PMP22: variants seen among roughly 807,000 people sequenced by gnomAD.
PMP22 encodes Charcot-Marie-Tooth neuropathy 1A (greatly reduced nerve conduction velocity, hereditary motor sensory neuropathy Ia).
A neutral mutation model predicts 18.9 loss-of-function variants in PMP22; 2 were observed. The ratio of observed to expected loss-of-function variants is 0.11; its 90% CI spans 0.04 to 0.33. PMP22 has a LOEUF of 0.33. Among genes scored for constraint, PMP22 ranks in the 10% least tolerant of loss-of-function variants. The probability of loss-of-function intolerance (pLI) is 1.00; values close to 1 mark genes in which losing one functional copy is unlikely to be tolerated. For missense variants in PMP22, 169 were observed against 202.2 expected, an observed-to-expected ratio of 0.84 and a Z score of 1.00; for synonymous variants, 95 against 89.2, an observed-to-expected ratio of 1.07 and a Z score of -0.37.
At chr17:15,235,612 TGGGA>T (rs1434868255) in intron 4 of PMP22, among the ~76,000 whole-genome samples, 2 of 152,120 alleles carry the variant, frequency 1.3e-5, no homozygotes, top group Non-Finnish European at 2.9e-5. Flanking sequence ...AACCTTACAG[TGGGA>T]TTAGGGACAG....
chr17:15,253,650 T>C (rs1908563720), intron 3 of PMP22, among the ~76,000 whole-genome samples: 1 of 152,110 alleles, frequency 6.6e-6, no homozygotes, highest in Non-Finnish European at 1.5e-5. Flanking sequence ...GTGATTCTAC[T>C]TACCCCTCAC....
intron 3 of PMP22, 50 bp downstream of exon 3, chr17:15,259,044 G>A (rs764003157): frequency 1.3e-5 from 17 of 1,315,776 alleles, no homozygotes; most frequent in Admixed American, 3.4e-5. Context: ...GCTGAGAAAC[G>A]TGTTACAGGC....
At chr17:15,259,241 T>A (rs1334572342) in intron 2 of PMP22, 48 bp from the exon 3 acceptor site, 1 of 1,463,536 alleles carries the variant, frequency 6.8e-7, no homozygotes, top group Admixed American at 1.7e-5. Context: ...GAGGGAGGAG[T>A]GAAGGAAAAG....
At chr17:15,235,188 A>G (rs1906690563) in intron 4 of PMP22, 4 of 717,214 alleles carry the variant, frequency 5.6e-6, no homozygotes, top group Non-Finnish European at 1.0e-5. Context: ...ATGAACAACA[A>G]TAACAAAAAG....
intron 4 of PMP22, 50 bp downstream of exon 4, chr17:15,239,421 A>G: frequency 6.2e-7 from 1 of 1,603,630 alleles, no homozygotes; most frequent in Non-Finnish European, 8.5e-7. Context: ...ATCATTCCGC[A>G]GACTTGGATG....
At chr17:15,248,892 G>A (rs952794874) in intron 3 of PMP22, among the ~76,000 whole-genome samples, 3 of 152,112 alleles carry the variant, frequency 2.0e-5, no homozygotes, top group African/African-American at 7.2e-5. Flanking sequence ...CACTGAGTTT[G>A]GCCATAGAAA....
intron 4 of PMP22, among the ~76,000 whole-genome samples, chr17:15,237,049 G>T (rs1344828163): frequency 1.3e-5 from 2 of 152,214 alleles, no homozygotes; most frequent in African/African-American, 4.8e-5. Flanking sequence ...TAAGCAGCTA[G>T]ATGTAAAGGG....
chr17:15,242,136 C>T (rs1486972807), intron 3 of PMP22, among the ~76,000 whole-genome samples: 1 of 151,358 alleles, frequency 6.6e-6, no homozygotes, highest in Non-Finnish European at 1.5e-5. Context: ...CACCTATAGT[C>T]CCAGCTACTT....
At chr17:15,242,931 A>C (rs1474850474) in intron 3 of PMP22, among the ~76,000 whole-genome samples, 1 of 152,216 alleles carries the variant, frequency 6.6e-6, no homozygotes, top group Non-Finnish European at 1.5e-5. Context: ...ACAGTGTTCC[A>C]GATAATTCCT....
intron 3 of PMP22, among the ~76,000 whole-genome samples, chr17:15,243,609 G>T (rs1907535141): frequency 6.7e-6 from 1 of 149,896 alleles, no homozygotes; most frequent in Non-Finnish European, 1.5e-5. Flanking sequence ...ACAGTATATG[G>T]TATAAATTAA....
rs1466743466 is a variant in PMP22, at chr17:15,261,212, T to C, written c.-34-451A>G. 6.6e-6 allele frequency: 1 copy of C among 152,588 alleles called. No homozygotes were observed. Among genetic ancestry groups the C allele is most frequent in the Non-Finnish European group, 1.5e-5 (1 of 68,906 alleles). The allele number at this position is 152,588 out of a possible 1,614,324, so 9.5% of individuals were successfully genotyped here. On this transcript the variant is annotated intron_variant, in intron 1 of 4. Coordinates refer to ENST00000312280, the MANE Select transcript of PMP22 (RefSeq NM_000304.4). This position sits in a 1 kb window ranked among gnomAD's most constrained non-coding sequence, Gnocchi z 5.2. ...GGGGTGGAGGTAGGGGTGAGGGGAG[T>C]AGGTGCCCAGATTTCCGTCTGAGAC...
chr17:15,247,090 C>T (rs961738395), intron 3 of PMP22, among the ~76,000 whole-genome samples: 7 of 139,564 alleles, frequency 5.0e-5, no homozygotes, highest in African/African-American at 1.9e-4. Flanking sequence ...AAAAAAAAGG[C>T]CGGGCGCCGT....
At chr17:15,233,750 T>C (rs1906555720) in intron 4 of PMP22, among the ~76,000 whole-genome samples, 1 of 152,170 alleles carries the variant, frequency 6.6e-6, no homozygotes, top group Non-Finnish European at 1.5e-5. Context: ...CATTTGCATA[T>C]AATTTCAATA....
intron 3 of PMP22, among the ~76,000 whole-genome samples, chr17:15,257,923 T>A (rs1908979829): frequency 6.6e-6 from 1 of 152,178 alleles, no homozygotes; most frequent in Non-Finnish European, 1.5e-5. Flanking sequence ...GTTCAAGGAA[T>A]TTGGTTTATA....
intron 3 of PMP22, among the ~76,000 whole-genome samples, chr17:15,252,980 T>A (rs1908493521): frequency 6.6e-6 from 1 of 152,226 alleles, no homozygotes; most frequent in Non-Finnish European, 1.5e-5. Context: ...AGCAGGGGAA[T>A]GCTTGTGAGA....
intron 3 of PMP22, among the ~76,000 whole-genome samples, chr17:15,243,656 T>G (rs141316212): frequency 6.7e-6 from 1 of 149,128 alleles, no homozygotes; most frequent in Non-Finnish European, 1.5e-5. Flanking sequence ...TATATAATTA[T>G]AGAACATATC....
intron 3 of PMP22, among the ~76,000 whole-genome samples, chr17:15,256,039 C>G (rs996069204): frequency 6.6e-6 from 1 of 152,218 alleles, no homozygotes; most frequent in Non-Finnish European, 1.5e-5. Flanking sequence ...CACTAAGCCT[C>G]TCTTACCTCT....
In PMP22 at chr17:15,265,191, T is replaced by C. The variant is rs1909628013; in HGVS notation, c.-72A>G. ...CGTAACCCCTTCTTCCAAGCAGATTTCTTTGCAGCCAAATGCAAGGGATGT... is the reference window on the plus strand; with the variant it reads ...CGTAACCCCTTCTTCCAAGCAGATTCCTTTGCAGCCAAATGCAAGGGATGT... On this transcript the variant is annotated 5_prime_UTR_variant, in exon 1 of 5. Transcript: ENST00000312280. 1 of 152,184 alleles carries C rather than the reference T, an allele frequency of 6.6e-6. No homozygotes were observed. Among genetic ancestry groups the C allele is most frequent in the Non-Finnish European group, 1.5e-5 (1 of 68,072 alleles). 9.4% of individuals were successfully genotyped at this position (152,184 alleles called of 1,614,324 possible).
rs182702236 is a variant in PMP22, at chr17:15,253,872, G to A, written c.178+5222C>T. ...CCTGTCTTATATAGTTCTTACCATT[G>A]CCCCCAAATTCTCCATGTTTACTGA... On this transcript the variant is annotated intron_variant, in intron 3 of 4. Coordinates refer to ENST00000312280, the MANE Select transcript of PMP22 (RefSeq NM_000304.4). Among the ~76,000 whole-genome samples, 113 of 152,162 alleles carry A rather than the reference G, an allele frequency of 7.4e-4. 1 individual carries two copies. Among genetic ancestry groups the A allele is most frequent in the Middle Eastern group, 3.4e-3 (1 of 294 alleles).
Sources: gnomAD v4.1 joint callset for allele counts (sites outside exome capture counted in the v4.1 genomes callset) on GRCh38, gnomAD v4.1.1 for gene constraint, Gnocchi (gnomAD v3.1) non-coding constraint, MANE v1.5 for transcripts, NCBI Gene and HGNC (gene_info 2026-07-23, HGNC 2026-07-21) for gene names.